Variants in RTF2 observed in about 807,000 individuals in gnomAD.
RTF2 encodes the protein UPF0549 protein C20orf43.
RTF2 carries 18 observed loss-of-function variants against 38.0 expected under a neutral mutation model. The ratio of observed to expected loss-of-function variants is 0.47; its 90% CI spans 0.33 to 0.70. The LOEUF is 0.70. Among genes scored for constraint, RTF2 ranks in the 30% least tolerant of loss-of-function variants. The pLI is 0.02. For missense variants in RTF2, 311 were observed against 379.6 expected, an observed-to-expected ratio of 0.82 and a Z score of 1.50; for synonymous variants, 126 against 137.1, an observed-to-expected ratio of 0.92 and a Z score of 0.57.
intron 5 of RTF2, among the ~76,000 whole-genome samples, chr20:56,492,705 C>T (rs997338573): frequency 6.6e-6 from 1 of 151,992 alleles, no homozygotes; most frequent in African/African-American, 2.4e-5. Flanking sequence ...CAGTAACACT[C>T]TGAAGTGGAT....
chr20:56,503,980 A>G (rs6069766), intron 5 of RTF2: 57,154 of 152,538 alleles, frequency 0.37, 11,399 homozygotes, highest in Non-Finnish European at 0.45. Context: ...ACACACACGC[A>G]CACACACGCA....
At chr20:56,484,623 G>A (rs565460907) in intron 5 of RTF2, among the ~76,000 whole-genome samples, 3 of 152,316 alleles carry the variant, frequency 2.0e-5, no homozygotes, top group Admixed American at 6.5e-5. Context: ...GTTTTTGAGG[G>A]TAGGAAACAA....
At chr20:56,491,434 T>C (rs1983118430) in intron 5 of RTF2, 1 of 685,836 alleles carries the variant, frequency 1.5e-6, no homozygotes, top group Non-Finnish European at 2.5e-6. Flanking sequence ...GTCAATAGCA[T>C]GTTTCTGAAT....
intron 1 of RTF2, among the ~76,000 whole-genome samples, chr20:56,472,824 A>G (rs1234402248): frequency 2.0e-5 from 3 of 152,166 alleles, no homozygotes; most frequent in Non-Finnish European, 2.9e-5. Flanking sequence ...TTGATGTAGT[A>G]TTAATTACTT....
intron 4 of RTF2, among the ~76,000 whole-genome samples, chr20:56,481,583 ATATGTGTGTG>A (rs1359041383): frequency 2.0e-5 from 3 of 152,166 alleles, no homozygotes; most frequent in East Asian, 3.9e-4. Flanking sequence ...CCACTTCTGT[ATATGTGTGTG>A]TATGTGTGTG....
At chr20:56,483,978 C>T (rs944968731) in intron 4 of RTF2, 133 bp from the exon 5 acceptor site, 4 of 584,234 alleles carry the variant, frequency 6.8e-6, no homozygotes, top group South Asian at 5.8e-5. Context: ...TCTATGAGAA[C>T]GTACTGATTT....
chr20:56,476,713 G>A (rs1982264493), intron 3 of RTF2, among the ~76,000 whole-genome samples: 1 of 151,986 alleles, frequency 6.6e-6, no homozygotes, highest in Non-Finnish European at 1.5e-5. Flanking sequence ...TGGTCAGGCT[G>A]GTCTTGAACT....
chr20:56,481,108 T>C (rs1600799750), intron 4 of RTF2, among the ~76,000 whole-genome samples: 5 of 152,314 alleles, frequency 3.3e-5, no homozygotes, highest in Admixed American at 3.3e-4. Context: ...CCTTAATAGC[T>C]GGTAGTCCAG....
Position 56,518,192 on chromosome 20 carries a change from C to A in RTF2, c.848C>A (p.Thr283Asn). 1 of 1,614,174 alleles carries A rather than the reference C, an allele frequency of 6.2e-7. No individual in the cohort carries two copies. Among genetic ancestry groups the A allele is most frequent in the Non-Finnish European group, 8.5e-7 (1 of 1,180,024 alleles). Residue 283 changes from threonine to asparagine, a missense_variant, in exon 9 of 9, where the codon ACC (threonine) becomes AAC (asparagine). Thr to Asn is a moderately conservative substitution (Grantham distance 65). Coordinates refer to ENST00000357348, the MANE Select transcript of RTF2 (RefSeq NM_016407.5). ...TCGGAGGCCTACAAGTCCCTCTTTA[C>A]CACTCACAGCTCCGCCAAGCGCTCC... Reference protein sequence around the residue: ...EESEAYKSLFTTHSSAKRSKE... With the variant: ...EESEAYKSLFNTHSSAKRSKE...
chr20:56,486,522 G>A (rs1319021683), intron 5 of RTF2, among the ~76,000 whole-genome samples: 6 of 152,038 alleles, frequency 3.9e-5, no homozygotes, highest in African/African-American at 1.4e-4. Context: ...GGTGGCACGC[G>A]CCTGTAATCC....
At chr20:56,473,448 T>C in intron 2 of RTF2, 53 bp downstream of exon 2, 1 of 1,120,006 alleles carries the variant, frequency 8.9e-7, no homozygotes, top group Non-Finnish European at 1.3e-6. Context: ...TTTGAGAATT[T>C]TGATGTGTAA....
intron 2 of RTF2, among the ~76,000 whole-genome samples, chr20:56,474,331 A>G (rs1982126504): frequency 6.6e-6 from 1 of 152,044 alleles, no homozygotes; most frequent in Non-Finnish European, 1.5e-5. Flanking sequence ...AAATATGAAA[A>G]TTAGCCAGGC....
chr20:56,487,411 A>G (rs1168203516), intron 5 of RTF2, among the ~76,000 whole-genome samples: 1 of 152,220 alleles, frequency 6.6e-6, no homozygotes, highest in East Asian at 1.9e-4. Context: ...CACAAGGGAC[A>G]GTAGAGACCA....
At chr20:56,516,812 T>C in intron 6 of RTF2, 123 bp from the exon 7 acceptor site, 2 of 816,582 alleles carry the variant, frequency 2.4e-6, no homozygotes. Flanking sequence ...TCAGAGTGAC[T>C]GTCTGTCTCA....
chr20:56,515,009 T>G (rs1371951327), intron 6 of RTF2, among the ~76,000 whole-genome samples: 1 of 150,576 alleles, frequency 6.6e-6, no homozygotes, highest in African/African-American at 2.5e-5. Flanking sequence ...ATCGCACCTC[T>G]GCACTCCAGC....
intron 1 of RTF2, chr20:56,472,279 T>C: frequency 1.9e-6 from 2 of 1,052,212 alleles, no homozygotes; most frequent in Non-Finnish European, 2.8e-6. Flanking sequence ...TTTTTTCTTT[T>C]CTCTTCCTAT....
At chr20:56,482,451 T>C (rs1982572690) in intron 4 of RTF2, among the ~76,000 whole-genome samples, 2 of 152,390 alleles carry the variant, frequency 1.3e-5, no homozygotes, top group South Asian at 2.1e-4. Flanking sequence ...CCAAATATTT[T>C]TGATCCGGTT....
At chr20:56,510,919 C>T (rs1387902358) in intron 5 of RTF2, among the ~76,000 whole-genome samples, 1 of 152,180 alleles carries the variant, frequency 6.6e-6, no homozygotes, top group East Asian at 1.9e-4. Flanking sequence ...CACCACTGCA[C>T]TCCAGCCTGG....
intron 4 of RTF2, among the ~76,000 whole-genome samples, chr20:56,478,656 G>A (rs1323122784): frequency 6.6e-6 from 1 of 152,170 alleles, no homozygotes; most frequent in East Asian, 1.9e-4. Context: ...GAGCCTTGAT[G>A]TTGCCTTGAT....
Sources: gnomAD v4.1 joint callset for allele counts (sites outside exome capture counted in the v4.1 genomes callset) on GRCh38, gnomAD v4.1.1 for gene constraint, MANE v1.5 for transcripts, NCBI Gene and HGNC (gene_info 2026-07-23, HGNC 2026-07-21) for gene names.